SLC22A25: variants seen among roughly 807,000 people sequenced by gnomAD.
SLC22A25 encodes MGI:2442751, MGI:2385316, MGI:3042283, MGI:3645714, MGI:3605624, MGI:2442750.
SLC22A25 carries 44 observed loss-of-function variants against 45.9 expected under a neutral mutation model. The observed-to-expected ratio is 0.96, with a 90% CI of 0.75 to 1.23. SLC22A25 has a LOEUF of 1.23. Among genes scored for constraint, SLC22A25 ranks in the 50% most tolerant of loss-of-function variants. The probability of loss-of-function intolerance (pLI) is 0.00; values close to 1 mark genes in which losing one functional copy is unlikely to be tolerated. For synonymous variants in SLC22A25, 283 were observed against 238.6 expected (o/e 1.19, Z -1.72); for missense variants, 800 against 666.4 (o/e 1.20, Z -2.21).
At chr11:63,228,011 T>G (rs1326138952) in intron 5 of SLC22A25, among the ~76,000 whole-genome samples, 1 of 152,236 alleles carries the variant, frequency 6.6e-6, no homozygotes, top group African/African-American at 2.4e-5. Flanking sequence ...GGGATGGAGA[T>G]GGAGTGTTGT....
At chr11:63,185,508 G>A (rs1052648199) in intron 7 of SLC22A25, among the ~76,000 whole-genome samples, 4 of 148,958 alleles carry the variant, frequency 2.7e-5, no homozygotes, top group Non-Finnish European at 5.9e-5. Flanking sequence ...TGGTGTATAT[G>A]TGCCACATTT....
chr11:63,206,921 A>ACC (rs2089421317), intron 7 of SLC22A25, among the ~76,000 whole-genome samples: 3 of 152,228 alleles, frequency 2.0e-5, no homozygotes, highest in Non-Finnish European at 4.4e-5. Flanking sequence ...TGGCAGTGGT[A>ACC]CCAAAACAGA....
chr11:63,229,750 G>A lies in SLC22A25; in HGVS notation c.-98C>T. 1 of 1,286,756 alleles carries A rather than the reference G, an allele frequency of 7.8e-7. No individual in the cohort carries two copies. The highest frequency in any genetic ancestry group is 1.6e-5 in the South Asian group (1 of 63,842). The allele number at this position is 1,286,756 out of a possible 1,614,324, so 79.7% of individuals were successfully genotyped here. On this transcript the variant is annotated 5_prime_UTR_variant, in exon 4 of 12. Coordinates refer to ENST00000306494, the MANE Select transcript of SLC22A25 (RefSeq NM_199352.6). Reference sequence around the variant, plus strand: ...CCTTTCCTTAAATCACACTAAGTGTGTGTGTTGATCCTGACCCCACTCTCT... The same window carrying A: ...CCTTTCCTTAAATCACACTAAGTGTATGTGTTGATCCTGACCCCACTCTCT...
intron 7 of SLC22A25, among the ~76,000 whole-genome samples, chr11:63,192,789 A>G (rs181096617): frequency 7.9e-5 from 12 of 152,382 alleles, no homozygotes; most frequent in South Asian, 4.1e-4. Context: ...AGATCTAACT[A>G]TCTTAAATAT....
chr11:63,167,938 G>A, intron 9 of SLC22A25: 1 of 405,166 alleles, frequency 2.5e-6, no homozygotes, highest in Non-Finnish European at 4.9e-6. Flanking sequence ...TCAGGCAGGT[G>A]CTCCTCTAAA....
At chr11:63,232,995 T>C (rs563637729) in intron 3 of SLC22A25, among the ~76,000 whole-genome samples, 39 of 152,274 alleles carry the variant, frequency 2.6e-4, no homozygotes, top group African/African-American at 8.2e-4. Context: ...CACTTGATCA[T>C]GGTGGATAAG....
chr11:63,238,360 GGT>G (rs1471605084), intron 2 of SLC22A25, among the ~76,000 whole-genome samples: 1 of 150,488 alleles, frequency 6.6e-6, no homozygotes, highest in Non-Finnish European at 1.5e-5. Flanking sequence ...GACCACTCTG[GGT>G]GTACAGTCTG....
At chr11:63,233,701 T>A (rs528099783) in intron 3 of SLC22A25, among the ~76,000 whole-genome samples, 120 of 152,342 alleles carry the variant, frequency 7.9e-4, no homozygotes, top group African/African-American at 2.9e-3. Context: ...TTGCTCTTGC[T>A]TCTCTAGTTC....
chr11:63,212,014 A>G (rs1053298720), intron 7 of SLC22A25, among the ~76,000 whole-genome samples: 122 of 152,374 alleles, frequency 8.0e-4, no homozygotes, highest in Middle Eastern at 3.4e-3. Context: ...GAAGGATATG[A>G]ATAGACACTT....
rs768546074 is a variant in SLC22A25 at position 63,163,923 on chromosome 11, AAGG to A, written c.1542_1544del (p.Leu515del). On this transcript the variant is annotated inframe_deletion, in exon 12 of 12. Coordinates refer to ENST00000306494, the MANE Select transcript of SLC22A25 (RefSeq NM_199352.6). The stretch of plus-strand genomic sequence containing the variant: ...GAAGAGGCTGGTTCCTGGTTTCAGG[AAGG>A]AGGAGGACAACAAGGCCAGAGAGGA... The A allele has an allele frequency of 1.8e-5, 29 of 1,613,768 alleles. No individual in the cohort carries two copies. The South Asian group carries it at 2.6e-4, about 15-fold the overall frequency.
chr11:63,220,882 C>T (rs113640449), intron 5 of SLC22A25, among the ~76,000 whole-genome samples: 2,755 of 152,236 alleles, frequency 0.018, 33 homozygotes, highest in Middle Eastern at 0.058. Flanking sequence ...TGAAGTTTGT[C>T]TTTCTTTTAC....
At position 63,167,872 on chromosome 11, in the gene SLC22A25, A is replaced by C. The variant is rs141123194; in HGVS notation, c.1071-1614T>G. On this transcript the variant is annotated intron_variant, in intron 9 of 11. Transcript: ENST00000306494. ...CTAACACCTGTGCCTCCTGACTGGGAGACACTTCCCAGCAGGGGTCAACAG... is the reference window on the plus strand; with the variant it reads ...CTAACACCTGTGCCTCCTGACTGGGCGACACTTCCCAGCAGGGGTCAACAG... 4.3e-3 allele frequency: 1,204 copies of C among 279,796 alleles called. 8 individuals carry two copies. The highest frequency in any genetic ancestry group is 0.025 in the African/African-American group (1,074 of 43,050). 17.3% of individuals were successfully genotyped at this position (279,796 alleles called of 1,614,324 possible).
In SLC22A25 at chr11:63,229,488, G is replaced by A. The variant is rs1196342688; in HGVS notation, c.165C>T (p.Asp55=). ...GGTCATTGTCAGGGATAGTGTCATT[G>A]TCCAGTATATGAACCCAGCAGCGAT... The part of the protein sequence containing the change: ...LDHRCWVHIL[D]NDTIPDNDPG... Residue 55 remains aspartate (D), a synonymous_variant, in exon 4 of 12, where the codon GAC becomes GAT. Transcript: ENST00000306494. 1 of 1,614,052 alleles carries A rather than the reference G, an allele frequency of 6.2e-7. No homozygotes were observed. Among genetic ancestry groups the A allele is most frequent in the Admixed American group, 1.7e-5 (1 of 60,004 alleles).
intron 7 of SLC22A25, among the ~76,000 whole-genome samples, chr11:63,205,149 C>G (rs1003947045): frequency 6.6e-6 from 1 of 152,230 alleles, no homozygotes; most frequent in South Asian, 2.1e-4. Flanking sequence ...GTCTCTGGGA[C>G]ACATTTAAAA....
At chr11:63,188,496 G>C (rs1050111615) in intron 7 of SLC22A25, among the ~76,000 whole-genome samples, 5 of 152,206 alleles carry the variant, frequency 3.3e-5, no homozygotes, top group Admixed American at 6.5e-5. Flanking sequence ...CAAAAAACCA[G>C]CTCCTGGATT....
In SLC22A25 at chr11:63,160,586, C is replaced by T. The variant is rs2087525353; in HGVS notation, c.*3238G>A. On this transcript the variant is annotated 3_prime_UTR_variant, in exon 12 of 12. Coordinates refer to ENST00000306494, the MANE Select transcript of SLC22A25 (RefSeq NM_199352.6). Reference sequence around the variant, plus strand: ...GGAAGATGTGGGGTTGAAGTCCATACACAGAGTCTCCATCGGAGACTGCTT... The same window carrying T: ...GGAAGATGTGGGGTTGAAGTCCATATACAGAGTCTCCATCGGAGACTGCTT... 6.6e-6 allele frequency among the ~76,000 whole-genome samples: 1 copy of T among 152,206 alleles called. No homozygotes were observed. Among genetic ancestry groups the T allele is most frequent in the South Asian group, 2.1e-4 (1 of 4,830 alleles).
intron 9 of SLC22A25, among the ~76,000 whole-genome samples, chr11:63,177,857 T>TACATATA (rs2088156624): frequency 3.9e-4 from 1 of 2,572 alleles, no homozygotes; most frequent in Admixed American, 8.1e-3. Context: ...ATATAATGTA[T>TACATATA]ATATATAATA....
chr11:63,168,338 G>A (rs1565061540), intron 9 of SLC22A25, among the ~76,000 whole-genome samples: 2 of 152,152 alleles, frequency 1.3e-5, no homozygotes, highest in Admixed American at 6.5e-5. Flanking sequence ...GACAGAAGTA[G>A]GCTTTAGAAG....
rs1436377753 is a variant in SLC22A25 at position 63,159,888 on chromosome 11, T to C, written c.*3936A>G. ...ACTGGAGTAAAGGTGACTCTTGCTA[T>C]ATTTTAGTAAAGAGACTGGCAGCGT... On this transcript the variant is annotated 3_prime_UTR_variant, in exon 12 of 12. Coordinates refer to ENST00000306494, the MANE Select transcript of SLC22A25 (RefSeq NM_199352.6). 6.6e-6 allele frequency among the ~76,000 whole-genome samples: 1 copy of C among 152,210 alleles called. No individual in the cohort carries two copies. Among genetic ancestry groups the C allele is most frequent in the East Asian group, 1.9e-4 (1 of 5,188 alleles).
Sources: allele counts gnomAD v4.1 joint callset (sites outside exome capture counted in the v4.1 genomes callset), GRCh38; gene constraint gnomAD v4.1.1; transcripts MANE v1.5; gene names NCBI Gene and HGNC (gene_info 2026-07-23, HGNC 2026-07-21).